Variants in USF3 observed in about 807,000 individuals in gnomAD.
USF3 encodes the protein upstream transcription factor family member 3.
Under a neutral mutation model 157.5 loss-of-function variants are expected in USF3, and 29 were observed. That is an observed-to-expected ratio of 0.18 (90% CI 0.14 to 0.25). The LOEUF is 0.25. Among genes scored for constraint, USF3 ranks in the 10% least tolerant of loss-of-function variants. The pLI, the probability that USF3 is intolerant of heterozygous loss-of-function variation, is 1.00. For missense variants in USF3, 2,381 were observed against 2,667.6 expected (o/e 0.89, Z 2.37); for synonymous variants, 893 against 941.4 (o/e 0.95, Z 0.94).
chr3:113,682,203 T>C (rs1707448538), intron 1 of USF3, among the ~76,000 whole-genome samples: 1 of 152,172 alleles, frequency 6.6e-6, no homozygotes, highest in Non-Finnish European at 1.5e-5. Flanking sequence ...CATGTGCCTG[T>C]AGTCCCAACT....
intron 1 of USF3, among the ~76,000 whole-genome samples, chr3:113,682,092 A>C (rs1707444960): frequency 6.6e-6 from 1 of 152,192 alleles, no homozygotes; most frequent in African/African-American, 2.4e-5. Flanking sequence ...GGGAGGCAGA[A>C]GTGGGAGGAC....
chr3:113,679,837 A>G (rs1208295319), intron 1 of USF3, among the ~76,000 whole-genome samples: 1 of 152,186 alleles, frequency 6.6e-6, no homozygotes. Flanking sequence ...TCTTTTGTGT[A>G]AAGCTTTTAC....
intron 1 of USF3, among the ~76,000 whole-genome samples, chr3:113,690,041 G>A (rs1233583722): frequency 2.6e-5 from 4 of 152,114 alleles, no homozygotes; most frequent in African/African-American, 9.7e-5. Context: ...CTAATCTTTG[G>A]TTAGGCAAAG....
At chr3:113,679,473 G>A (rs1707362051) in intron 1 of USF3, among the ~76,000 whole-genome samples, 1 of 149,468 alleles carries the variant, frequency 6.7e-6, no homozygotes, top group Non-Finnish European at 1.5e-5. Flanking sequence ...GAGTACAGTG[G>A]CACAATCTCA....
chr3:113,670,027 A>T, intron 5 of USF3, 94 bp downstream of exon 5: 1 of 797,614 alleles, frequency 1.3e-6, no homozygotes, highest in Middle Eastern at 2.3e-4. Context: ...ACATAGAAAT[A>T]GAAAGCAACA....
intron 5 of USF3, among the ~76,000 whole-genome samples, chr3:113,666,514 A>C (rs1947570029): frequency 6.7e-6 from 1 of 148,774 alleles, no homozygotes; most frequent in South Asian, 2.1e-4. Context: ...TGGTCTCCCA[A>C]AGTGGTGGGA....
At chr3:113,671,463 A>T (rs1455149123) in intron 4 of USF3, among the ~76,000 whole-genome samples, 1 of 152,230 alleles carries the variant, frequency 6.6e-6, no homozygotes, top group Non-Finnish European at 1.5e-5. Flanking sequence ...ACAGCTTCTC[A>T]ATCAACTGTG....
chr3:113,689,081 C>T (rs1292453319), intron 1 of USF3, among the ~76,000 whole-genome samples: 1 of 151,530 alleles, frequency 6.6e-6, no homozygotes, highest in Non-Finnish European at 1.5e-5. Flanking sequence ...CTATCAAGCC[C>T]CCATGTACCT....
intron 6 of USF3, among the ~76,000 whole-genome samples, chr3:113,663,475 A>G (rs1027674235): frequency 6.6e-6 from 1 of 152,238 alleles, no homozygotes; most frequent in Non-Finnish European, 1.5e-5. Context: ...AGCTGCTAAT[A>G]TTTAACTAAA....
Position 113,662,736 on chromosome 3 carries a change from G to C in USF3, c.257-1311C>G, listed in dbSNP as rs543766608. Among the ~76,000 whole-genome samples, 13 of 152,106 alleles carry C rather than the reference G, an allele frequency of 8.5e-5. 1 individual carries two copies. Among genetic ancestry groups the C allele is most frequent in the African/African-American group, 3.1e-4 (13 of 41,456 alleles). ...TTTAATAACAACGACAACTATAACA[G>C]CTAACATTTATCAAGCAATTACTCT... On this transcript the variant is annotated intron_variant, in intron 6 of 6. Coordinates refer to ENST00000316407, the MANE Select transcript of USF3 (RefSeq NM_001009899.4).
chr3:113,687,267 C>A (rs13315788), intron 1 of USF3, among the ~76,000 whole-genome samples: 6,954 of 141,278 alleles, frequency 0.049, 212 homozygotes, highest in African/African-American at 0.097. Flanking sequence ...ACACACACAC[C>A]CCCTTTCTAG....
Position 113,661,072 on chromosome 3 carries a change from A to G in USF3, c.610T>C (p.Ser204Pro). The part of the protein sequence containing the change: ...TPVSISGVYP[S>P]ENKPWHQTTV... Reference sequence around the variant, plus strand: ...GTCTGATGCCATGGCTTGTTTTCAGAAGGGTAAACTCCAGAAATAGATACA... The same window carrying G: ...GTCTGATGCCATGGCTTGTTTTCAGGAGGGTAAACTCCAGAAATAGATACA... The change falls in exon 7 of 7, where the codon TCT becomes CCT. Residue 204 changes from serine (S) to proline (P), a missense_variant. Coordinates refer to ENST00000316407, the MANE Select transcript of USF3 (RefSeq NM_001009899.4). 1 of 1,614,180 alleles carries G rather than the reference A, an allele frequency of 6.2e-7. No homozygotes were observed. Among genetic ancestry groups the G allele is most frequent in the Non-Finnish European group, 8.5e-7 (1 of 1,180,014 alleles).
At chr3:113,665,386 G>A (rs1434679861) in intron 5 of USF3, among the ~76,000 whole-genome samples, 1 of 152,232 alleles carries the variant, frequency 6.6e-6, no homozygotes, top group Non-Finnish European at 1.5e-5. Flanking sequence ...CTAAATAATA[G>A]GCCAAGAGAG....
rs1043553935 is a variant in USF3, at chr3:113,651,200, A to G, written c.*3744T>C. On this transcript the variant is annotated 3_prime_UTR_variant, in exon 7 of 7. Coordinates refer to ENST00000316407, the MANE Select transcript of USF3 (RefSeq NM_001009899.4). ...CAATAATGCTAAAAAAGAGACAGAGAAATGATTTAATCAATGACTGTCACT... is the reference window on the plus strand; with the variant it reads ...CAATAATGCTAAAAAAGAGACAGAGGAATGATTTAATCAATGACTGTCACT... 1.3e-5 allele frequency: 2 copies of G among 152,238 alleles called. No homozygotes were observed. Among genetic ancestry groups the G allele is most frequent in the African/African-American group, 4.8e-5 (2 of 41,462 alleles). 9.4% of individuals were successfully genotyped at this position (152,238 alleles called of 1,614,324 possible). A position where few individuals can be genotyped will look rare whatever the true frequency, so the allele number is the denominator to read the frequency against.
chr3:113,662,045 C>A (rs1947495093), intron 6 of USF3, among the ~76,000 whole-genome samples: 1 of 152,226 alleles, frequency 6.6e-6, no homozygotes, highest in Non-Finnish European at 1.5e-5. Flanking sequence ...CAGGGTTTCG[C>A]CATGTTGGCC....
Position 113,691,144 on chromosome 3 carries a change from G to A in USF3, c.-135+5226C>T, listed in dbSNP as rs577240677. On this transcript the variant is annotated intron_variant, in intron 1 of 6. Coordinates refer to ENST00000316407, the MANE Select transcript of USF3 (RefSeq NM_001009899.4). ...GCGAAGGTTCCAGTGAGCCAAGATC[G>A]CACCACTGCACTCCAGCCTGGGAGA... Among the ~76,000 whole-genome samples, 16 of 152,242 alleles carry A rather than the reference G, an allele frequency of 1.1e-4. No individual in the cohort carries two copies. The East Asian group carries it at 1.9e-3, about 18-fold the overall frequency.
Position 113,650,980 on chromosome 3 carries a change from A to G in USF3, c.*3964T>C, listed in dbSNP as rs1377603704. The G allele has an allele frequency of 1.3e-5, 2 of 152,186 alleles. No homozygotes were observed. Among genetic ancestry groups the G allele is most frequent in the East Asian group, 3.9e-4 (2 of 5,194 alleles). The allele number at this position is 152,186 out of a possible 1,614,324, so 9.4% of individuals were successfully genotyped here. On this transcript the variant is annotated 3_prime_UTR_variant, in exon 7 of 7. Coordinates refer to ENST00000316407, the MANE Select transcript of USF3 (RefSeq NM_001009899.4). ...ATTTCCTGAACCGGTATAAAACAACATATAAGCCATCCCAGAGCAACTTGT... is the reference window on the plus strand; with the variant it reads ...ATTTCCTGAACCGGTATAAAACAACGTATAAGCCATCCCAGAGCAACTTGT...
chr3:113,657,283 GC>G lies in USF3; in HGVS notation c.4398del (p.Gln1466HisfsTer17). 6.2e-7 allele frequency: 1 copy of G among 1,610,404 alleles called. No homozygotes were observed. Among genetic ancestry groups the G allele is most frequent in the Non-Finnish European group, 8.5e-7 (1 of 1,178,664 alleles). ...NHLYIKQQQQ[Q>X]QQQQQQQQQQ... is the part of the protein sequence containing the mutation. ...TGCTGTTGCTGCTGCTGCTGCTGCT[GC>G]TGCTGCTGCTGCTGCTTTATGTAGA... On this transcript the variant is annotated frameshift_variant, in exon 7 of 7. Transcript: ENST00000316407. LOFTEE classifies it high-confidence loss of function.
In USF3 at chr3:113,665,463, A is replaced by AC. The variant is rs1287373322; in HGVS notation, c.160-1055_160-1054insG. Among the ~76,000 whole-genome samples, 4 of 152,258 alleles carry AC rather than the reference A, an allele frequency of 2.6e-5. No individual in the cohort carries two copies. In the East Asian group the frequency reaches 7.7e-4, roughly 29 times the overall value. On this transcript the variant is annotated intron_variant, in intron 5 of 6. Coordinates refer to ENST00000316407, the MANE Select transcript of USF3 (RefSeq NM_001009899.4). ...ATTGTATTCCTAAGCTTTTTCAAAA[A>AC]GATTGTACGTTATGTTAAAGTATTC...
Sources: allele counts gnomAD v4.1 joint callset (sites outside exome capture counted in the v4.1 genomes callset), GRCh38; gene constraint gnomAD v4.1.1; transcripts MANE v1.5; gene names NCBI Gene and HGNC (gene_info 2026-07-23, HGNC 2026-07-21).